MACF1: variants seen among roughly 807,000 people sequenced by gnomAD.
MACF1 encodes the protein microtubule actin crosslinking factor 1.
Under a neutral mutation model 854.8 loss-of-function variants are expected in MACF1, and 193 were observed. The ratio of observed to expected loss-of-function variants is 0.23; its 90% confidence interval spans 0.20 to 0.25. The LOEUF (loss-of-function observed/expected upper bound fraction) is 0.25. MACF1 is among the 10% of genes least tolerant of loss of function. The pLI is 1.00. For missense variants in MACF1, 7,722 were observed against 8,929.1 expected, an observed-to-expected ratio of 0.86 and a Z score of 5.45; for synonymous variants, 3,185 against 3,226.7, an observed-to-expected ratio of 0.99 and a Z score of 0.44.
chr1:39,349,821 G>T lies in MACF1; in HGVS notation c.10965+194G>T, dbSNP rs141068722. On this transcript the variant is annotated intron_variant, in intron 42 of 100. Transcript: ENST00000564288. Reference sequence around the variant, plus strand: ...TTTTTTAATTTTTTTGTAGAGATGGGGTATCACTATGTTGCCAAAGCTGGT... The same window carrying T: ...TTTTTTAATTTTTTTGTAGAGATGGTGTATCACTATGTTGCCAAAGCTGGT... 1.1e-4 allele frequency among the ~76,000 whole-genome samples: 17 copies of T among 152,186 alleles called. No individual in the cohort carries two copies. In the East Asian group the frequency reaches 1.9e-3, roughly 17 times the overall value.
At chr1:39,108,931 G>T (rs1374727930) in intron 2 of MACF1, among the ~76,000 whole-genome samples, 6 of 152,204 alleles carry the variant, frequency 3.9e-5, no homozygotes, top group African/African-American at 1.4e-4. Flanking sequence ...ACTAAGTGTT[G>T]TGGGTTATAC....
At chr1:39,242,202 T>C (rs751588201) in intron 2 of MACF1, among the ~76,000 whole-genome samples, 10 of 151,606 alleles carry the variant, frequency 6.6e-5, no homozygotes, top group Non-Finnish European at 1.0e-4. Context: ...ACAAAAAAAT[T>C]AGCTGGGCGT....
intron 56 of MACF1, among the ~76,000 whole-genome samples, chr1:39,383,644 A>G (rs1650438137): frequency 6.6e-6 from 1 of 152,154 alleles, no homozygotes; most frequent in Non-Finnish European, 1.5e-5. Flanking sequence ...TTGGGAGGCC[A>G]AGGCAGGCAG....
At chr1:39,094,725 A>C (rs960295161) in intron 2 of MACF1, among the ~76,000 whole-genome samples, 1 of 151,958 alleles carries the variant, frequency 6.6e-6, no homozygotes, top group Non-Finnish European at 1.5e-5. Flanking sequence ...TCTCAAAAAA[A>C]AAAAAGAAAA....
intron 58 of MACF1, among the ~76,000 whole-genome samples, chr1:39,402,210 C>T (rs748576377): frequency 6.6e-6 from 1 of 151,998 alleles, no homozygotes; most frequent in East Asian, 1.9e-4. Flanking sequence ...GACTGTGTCT[C>T]AAAAAAGAGG....
At chr1:39,337,129 C>A in intron 37 of MACF1, 53 bp from the exon 38 acceptor site, 1 of 1,547,312 alleles carries the variant, frequency 6.5e-7, no homozygotes. Flanking sequence ...TGCTTTAAAG[C>A]TGACTTACAG....
At chr1:39,185,594 G>A (rs917143155) in intron 2 of MACF1, among the ~76,000 whole-genome samples, 2 of 151,994 alleles carry the variant, frequency 1.3e-5, no homozygotes, top group African/African-American at 2.4e-5. Context: ...TTGAAAGGGA[G>A]GAAGGAAAGC....
intron 6 of MACF1, among the ~76,000 whole-genome samples, chr1:39,265,485 T>C (rs980152379): frequency 2.6e-5 from 4 of 152,194 alleles, no homozygotes; most frequent in Non-Finnish European, 5.9e-5. Context: ...TAGTTGAAAA[T>C]ACATCTGATA....
chr1:39,462,478 G>A (rs942424190), intron 93 of MACF1, among the ~76,000 whole-genome samples: 4 of 151,986 alleles, frequency 2.6e-5, no homozygotes, highest in Non-Finnish European at 4.4e-5. Context: ...GCCAACACGG[G>A]AGGATCACTG....
chr1:39,143,169 AT>A (rs1643384114), intron 2 of MACF1, among the ~76,000 whole-genome samples: 2 of 152,128 alleles, frequency 1.3e-5, no homozygotes, highest in Admixed American at 6.6e-5. Context: ...TAACCCTTGA[AT>A]TTTTATTCTT....
chr1:39,394,734 G>A (rs1420967597), intron 58 of MACF1, among the ~76,000 whole-genome samples: 4 of 152,210 alleles, frequency 2.6e-5, no homozygotes, highest in Non-Finnish European at 4.4e-5. Context: ...GCTCATGTAC[G>A]TTTTTGGCAG....
rs142536697 is a variant in MACF1 at position 39,141,080 on chromosome 1, G to T, written c.220+56642G>T. 8.2e-4 allele frequency among the ~76,000 whole-genome samples: 125 copies of T among 152,278 alleles called. 4 individuals carry two copies. The East Asian group carries it at 0.019, about 23-fold the overall frequency. On this transcript the variant is annotated intron_variant, in intron 2 of 93. Transcript: ENST00000361689. The stretch of plus-strand genomic sequence containing the variant: ...CCCAGGGACACACAGCTGTTAAGCA[G>T]CAGAGTTAGGTTTCACAATTTGCTC...
chr1:39,180,493 G>A (rs1016069049), intron 2 of MACF1, among the ~76,000 whole-genome samples: 2 of 152,102 alleles, frequency 1.3e-5, no homozygotes, highest in African/African-American at 2.4e-5. Context: ...GCTCATGCCT[G>A]TAATTCCAGC....
chr1:39,102,709 T>C, intron 2 of MACF1: 1 of 699,210 alleles, frequency 1.4e-6, no homozygotes, highest in Non-Finnish European at 2.6e-6. Flanking sequence ...CTAGATGCCC[T>C]TCCGAGTACA....
intron 60 of MACF1, 50 bp from the exon 61 acceptor site, chr1:39,423,978 C>A: frequency 1.4e-6 from 2 of 1,452,248 alleles, no homozygotes; most frequent in South Asian, 1.3e-5. Context: ...CTTCCTAGTT[C>A]AGATTTCAAA....
chr1:39,282,139 T>G (rs1645560601), intron 6 of MACF1, 69 bp from the exon 7 acceptor site: 8 of 1,534,016 alleles, frequency 5.2e-6, no homozygotes, highest in Non-Finnish European at 7.1e-6. Context: ...CCATAATGTA[T>G]GGAGAAGAGA....
At position 39,332,585 on chromosome 1, in the gene MACF1, A is replaced by G. The variant is rs917005911; in HGVS notation, c.5997A>G (p.Gln1999=). The G allele has an allele frequency of 1.9e-6, 3 of 1,614,172 alleles. No homozygotes were observed. The Admixed American group carries it at 5.0e-5, about 27-fold the overall frequency. The change falls in exon 37 of 101, where the codon CAA becomes CAG. Residue 1999 remains glutamine (Q), a synonymous_variant. Coordinates refer to ENST00000564288, the MANE Select transcript of MACF1 (RefSeq NM_001394062.1). ...METLTSRDEY[Q]TSPPKVVEIG... The stretch of plus-strand genomic sequence containing the variant: ...CACTAACATCCAGAGATGAGTATCA[A>G]ACAAGTCCTCCAAAAGTGGTTGAAA...
chr1:39,321,153 T>G (rs1646508551), intron 31 of MACF1, among the ~76,000 whole-genome samples: 1 of 152,216 alleles, frequency 6.6e-6, no homozygotes, highest in African/African-American at 2.4e-5. Context: ...GAATGAAGGC[T>G]TTCCTTTAGT....
Position 39,335,427 on chromosome 1 carries a change from C to A in MACF1, c.8839C>A (p.Gln2947Lys), listed in dbSNP as rs1412083163. 6.2e-7 allele frequency: 1 copy of A among 1,614,122 alleles called. No homozygotes were observed. The highest frequency in any genetic ancestry group is 8.5e-7 in the Non-Finnish European group (1 of 1,180,008). ...TCAAGGGGAAGTGATTTTGGAAGTA[C>A]AAGAAACATATTGTGAAACGTCAGG... Reference protein sequence around the residue: ...ENQGEVILEVQETYCETSGKL... With the variant: ...ENQGEVILEVKETYCETSGKL... Residue 2947 changes from glutamine (Q) to lysine (K), a missense_variant, in exon 37 of 101, where the codon CAA becomes AAA. Gln to Lys is a moderately conservative substitution (Grantham distance 53, BLOSUM62 1). Around this residue, in one of 15 missense-constraint regions of MACF1, gnomAD observed 854 missense variants for 852.6 expected, o/e 1.00. Transcript: ENST00000564288.
Sources: allele counts gnomAD v4.1 joint callset (sites outside exome capture counted in the v4.1 genomes callset), GRCh38; gene constraint gnomAD v4.1.1; regional missense constraint gnomAD v4.1.1; transcripts MANE v1.5; gene names NCBI Gene and HGNC (gene_info 2026-07-23, HGNC 2026-07-21).